The following TBX15 variants were observed in gnomAD, a reference collection of about 807,000 sequenced individuals.
TBX15 encodes the protein T-box transcription factor TBX15.
A neutral mutation model predicts 53.9 loss-of-function variants in TBX15; 18 were observed. The ratio of observed to expected loss-of-function variants is 0.33; its 90% CI spans 0.23 to 0.49. TBX15 has a LOEUF of 0.49. Ranked by LOEUF, TBX15 falls within the 20% of genes least tolerant of loss-of-function variation. The pLI is 0.98. For synonymous variants in TBX15, 295 were observed against 278.0 expected (o/e 1.06, Z -0.61); for missense variants, 692 against 749.5 (o/e 0.92, Z 0.90).
chr1:118,981,303 T>TACACACACACACAC (rs35594301), intron 1 of TBX15, among the ~76,000 whole-genome samples: 38 of 146,828 alleles, frequency 2.6e-4, no homozygotes, highest in Admixed American at 7.4e-4. Context: ...TTAAACTAGC[T>TACACACACACACAC]ACACACACAC....
At chr1:118,917,746 A>G (rs184708013) in intron 5 of TBX15, among the ~76,000 whole-genome samples, 51 of 152,166 alleles carry the variant, frequency 3.4e-4, no homozygotes, top group African/African-American at 1.1e-3. Context: ...TCCCTGTACA[A>G]TCTCTTCTCT....
chr1:118,988,782 G>A (rs1214036711), upstream of TBX15, among the ~76,000 whole-genome samples: 1 of 152,224 alleles, frequency 6.6e-6, no homozygotes, highest in Admixed American at 6.5e-5. Flanking sequence ...GAATATTCTG[G>A]TTCCTCCTGG....
chr1:118,939,508 G>T (rs1180617386), intron 1 of TBX15, among the ~76,000 whole-genome samples: 1 of 146,922 alleles, frequency 6.8e-6, no homozygotes, highest in Non-Finnish European at 1.5e-5. Context: ...AGCACACATG[G>T]ACATAAATAC....
At position 118,917,121 on chromosome 1, in the gene TBX15, A is replaced by G. The variant is rs556101473; in HGVS notation, c.862-2942T>C. 7.2e-5 allele frequency among the ~76,000 whole-genome samples: 11 copies of G among 152,318 alleles called. No homozygotes were observed. The South Asian group carries it at 2.3e-3, about 32-fold the overall frequency. On this transcript the variant is annotated intron_variant, in intron 5 of 7. Transcript: ENST00000369429. ...CTATTATAAAGATATATGCATGTGT[A>G]TGTTCATTGTAGCACTATTCACAAT...
At chr1:118,960,335 C>T (rs1656829802) in intron 1 of TBX15, among the ~76,000 whole-genome samples, 1 of 152,166 alleles carries the variant, frequency 6.6e-6, no homozygotes, top group Non-Finnish European at 1.5e-5. Flanking sequence ...TTTCGAGAGC[C>T]CCATGCATTT....
At chr1:118,982,909 T>C (rs146720383) in intron 1 of TBX15, among the ~76,000 whole-genome samples, 245 of 152,292 alleles carry the variant, frequency 1.6e-3, no homozygotes, top group African/African-American at 5.6e-3. Flanking sequence ...AGCCCAAATA[T>C]AGTGCTCAGC....
chr1:118,916,713 A>C (rs1387836524), intron 5 of TBX15, among the ~76,000 whole-genome samples: 2 of 151,980 alleles, frequency 1.3e-5, no homozygotes, highest in African/African-American at 2.4e-5. Flanking sequence ...AAAAATACAA[A>C]AAATTACCTA....
chr1:118,911,498 C>A (rs1323797310), intron 6 of TBX15, among the ~76,000 whole-genome samples: 1 of 152,194 alleles, frequency 6.6e-6, no homozygotes, highest in East Asian at 1.9e-4. Context: ...CACCAGCCTT[C>A]AGGCCAGTAG....
intron 1 of TBX15, among the ~76,000 whole-genome samples, chr1:118,956,340 A>G (rs1656689245): frequency 1.3e-5 from 2 of 152,208 alleles, no homozygotes; most frequent in African/African-American, 4.8e-5. Context: ...GGGTTAAATA[A>G]CAGATCGTAT....
At chr1:118,934,070 A>G (rs1187130137) in intron 1 of TBX15, among the ~76,000 whole-genome samples, 1 of 152,218 alleles carries the variant, frequency 6.6e-6, no homozygotes, top group Non-Finnish European at 1.5e-5. Flanking sequence ...TTATGAAATA[A>G]GAGACTCTAC....
At chr1:118,944,524 C>G (rs1656283518) in intron 1 of TBX15, among the ~76,000 whole-genome samples, 1 of 152,226 alleles carries the variant, frequency 6.6e-6, no homozygotes, top group Admixed American at 6.5e-5. Context: ...CAGTGTCCTT[C>G]AAGTGTGTCA....
chr1:118,954,728 A>G (rs553211215), intron 1 of TBX15, among the ~76,000 whole-genome samples: 22 of 152,322 alleles, frequency 1.4e-4, no homozygotes, highest in Admixed American at 3.9e-4. Flanking sequence ...AATCTCAAAG[A>G]CAGGAAATAT....
At chr1:118,979,259 C>T (rs1301136424) in intron 1 of TBX15, among the ~76,000 whole-genome samples, 1 of 151,680 alleles carries the variant, frequency 6.6e-6, no homozygotes, top group Non-Finnish European at 1.5e-5. Flanking sequence ...CCAAGAGCAG[C>T]GGGAAGGACA....
intron 3 of TBX15, among the ~76,000 whole-genome samples, chr1:118,926,071 C>T (rs1655586151): frequency 6.6e-6 from 1 of 151,928 alleles, no homozygotes; most frequent in Non-Finnish European, 1.5e-5. Flanking sequence ...GAAATTTTAC[C>T]CAGTTCTCTT....
At chr1:118,926,975 C>T (rs568338619) in intron 2 of TBX15, among the ~76,000 whole-genome samples, 8 of 152,226 alleles carry the variant, frequency 5.3e-5, no homozygotes, top group African/African-American at 1.7e-4. Context: ...CTGCCCACCT[C>T]GGCCTCCCAA....
intron 1 of TBX15, among the ~76,000 whole-genome samples, chr1:118,951,528 C>T (rs895798011): frequency 5.3e-5 from 8 of 152,188 alleles, no homozygotes; most frequent in Non-Finnish European, 8.8e-5. Context: ...CCTGGTCCTT[C>T]CTCTCTTGTT....
At chr1:118,916,837 G>C (rs1253813023) in intron 5 of TBX15, among the ~76,000 whole-genome samples, 1 of 151,946 alleles carries the variant, frequency 6.6e-6, no homozygotes, top group African/African-American at 2.4e-5. Context: ...CTGCACTCCA[G>C]CCTGGATGAC....
intron 6 of TBX15, among the ~76,000 whole-genome samples, chr1:118,913,129 T>C (rs1655074844): frequency 6.6e-6 from 1 of 152,164 alleles, no homozygotes; most frequent in Admixed American, 6.5e-5. Context: ...CAAAATGGTT[T>C]GAAATAAAAG....
intron 1 of TBX15, among the ~76,000 whole-genome samples, chr1:118,938,770 T>C (rs541417279): frequency 1.3e-5 from 2 of 152,318 alleles, no homozygotes; most frequent in East Asian, 1.9e-4. Flanking sequence ...GGTTTTTTCC[T>C]ATGTTTATTG....
Sources: gnomAD v4.1 joint callset for allele counts (sites outside exome capture counted in the v4.1 genomes callset) on GRCh38, gnomAD v4.1.1 for gene constraint, MANE v1.5 for transcripts, NCBI Gene and HGNC (gene_info 2026-07-23, HGNC 2026-07-21) for gene names.